HSD17B2: variants seen among roughly 807,000 people sequenced by gnomAD.
The protein encoded by HSD17B2 is 17-beta-hydroxysteroid dehydrogenase type 2.
HSD17B2 carries 32 observed loss-of-function variants against 26.9 expected under a neutral mutation model. The observed-to-expected ratio is 1.19, with a 90% CI of 0.90 to 1.60. The LOEUF (loss-of-function observed/expected upper bound fraction) is 1.60, where lower values mean the gene tolerates loss of function less well. HSD17B2 is among the 40% of genes most tolerant of loss of function. The pLI is 0.00. For synonymous variants in HSD17B2, 246 were observed against 186.7 expected (o/e 1.32, Z -2.59); for missense variants, 613 against 468.6 (o/e 1.31, Z -2.85).
chr16:82,069,946 C>A (rs955310147), intron 2 of HSD17B2, among the ~76,000 whole-genome samples: 10 of 152,158 alleles, frequency 6.6e-5, no homozygotes, highest in Non-Finnish European at 1.5e-4. Context: ...TCCCAGGCAT[C>A]ATTAGTTTAT....
intron 1 of HSD17B2, among the ~76,000 whole-genome samples, chr16:82,037,746 C>G (rs1443747115): frequency 6.6e-6 from 1 of 152,170 alleles, no homozygotes; most frequent in Non-Finnish European, 1.5e-5. Flanking sequence ...ATGACAGCCA[C>G]AAGGACTGTG....
intron 3 of HSD17B2, among the ~76,000 whole-genome samples, chr16:82,089,128 A>C (rs1303076003): frequency 1.3e-5 from 2 of 152,186 alleles, no homozygotes; most frequent in Non-Finnish European, 2.9e-5. Flanking sequence ...CACAATGTTC[A>C]TAGCACCCCC....
intron 3 of HSD17B2, chr16:82,071,380 T>C (rs969446774): frequency 1.3e-5 from 7 of 532,406 alleles, no homozygotes; most frequent in African/African-American, 1.1e-4. Context: ...TATATGTCTT[T>C]ATAATGTGAC....
Position 82,071,058 on chromosome 16 carries a change from GT to G in HSD17B2, c.596del (p.Val199AlafsTer17), listed in dbSNP as rs1448994641. ...MAVNFFGTVE[V>X]TKTFLPLLRK... ...CGTGAACTTCTTTGGAACTGTGGAG[GT>G]CACAAAGACGTTTTTGCCTCTTCTT... is the stretch of plus-strand genomic sequence containing the variant. On this transcript the variant is annotated frameshift_variant, in exon 3 of 5. Coordinates refer to ENST00000199936, the MANE Select transcript of HSD17B2 (RefSeq NM_002153.3). LOFTEE classifies it high-confidence loss of function. 3.1e-5 allele frequency: 50 copies of G among 1,614,208 alleles called. No individual in the cohort carries two copies. Among genetic ancestry groups the G allele is most frequent in the Non-Finnish European group, 4.0e-5 (47 of 1,180,028 alleles).
chr16:82,087,438 C>G (rs77175280), intron 3 of HSD17B2, among the ~76,000 whole-genome samples: 1 of 152,240 alleles, frequency 6.6e-6, no homozygotes, highest in East Asian at 1.9e-4. Flanking sequence ...TCTCATCTTA[C>G]GTCATCTTAA....
chr16:82,096,620 A>G (rs747943231), intron 4 of HSD17B2: 2 of 152,008 alleles, frequency 1.3e-5, no homozygotes, highest in Non-Finnish European at 2.9e-5. Context: ...TATTATATAC[A>G]GTATATATTA....
chr16:82,085,882 T>C (rs1904513961), intron 3 of HSD17B2, among the ~76,000 whole-genome samples: 1 of 151,754 alleles, frequency 6.6e-6, no homozygotes, highest in Non-Finnish European at 1.5e-5. Flanking sequence ...CTCAATAAGA[T>C]AACATACCCC....
chr16:82,061,563 G>T (rs1003181219), intron 1 of HSD17B2, among the ~76,000 whole-genome samples: 1 of 152,122 alleles, frequency 6.6e-6, no homozygotes, highest in African/African-American at 2.4e-5. Context: ...TTTATCTATA[G>T]TAATGAAAAA....
At chr16:82,078,078 A>G (rs1486926127) in intron 3 of HSD17B2, among the ~76,000 whole-genome samples, 1 of 152,222 alleles carries the variant, frequency 6.6e-6, no homozygotes, top group Non-Finnish European at 1.5e-5. Flanking sequence ...GATACAATCA[A>G]CAAAGTGAAG....
chr16:82,058,695 T>C (rs1914347506), intron 1 of HSD17B2, among the ~76,000 whole-genome samples: 1 of 152,202 alleles, frequency 6.6e-6, no homozygotes. Flanking sequence ...CTTAGTTGAA[T>C]GCTGAATTAC....
intron 1 of HSD17B2, among the ~76,000 whole-genome samples, chr16:82,045,965 C>T (rs534934028): frequency 6.6e-6 from 1 of 152,230 alleles, no homozygotes. Flanking sequence ...ACTGTGAAGA[C>T]CTTTGCTCTA....
intron 1 of HSD17B2, among the ~76,000 whole-genome samples, chr16:82,049,022 C>G (rs111612764): frequency 0.019 from 2,835 of 152,296 alleles, 82 homozygotes; most frequent in African/African-American, 0.063. Flanking sequence ...TGGGCTGGAA[C>G]AGGTAGTCCC....
chr16:82,036,320 TTGTGTGTGTGTGTGTGTGTGTGTGTGTG>T (rs10609893), intron 1 of HSD17B2, among the ~76,000 whole-genome samples: 1 of 145,782 alleles, frequency 6.9e-6, no homozygotes, highest in Non-Finnish European at 1.5e-5. Context: ...TTTCCCTTGT[TTGTGTGTGTGTGTGTGTGTGTGTGTGTG>T]TGTGTGTGTG....
At chr16:82,041,541 C>T (rs1352842464) in intron 1 of HSD17B2, among the ~76,000 whole-genome samples, 1 of 152,222 alleles carries the variant, frequency 6.6e-6, no homozygotes, top group Non-Finnish European at 1.5e-5. Context: ...ACAAATAGAA[C>T]ATCCACTGGC....
chr16:82,057,976 T>G (rs956769320), intron 1 of HSD17B2, among the ~76,000 whole-genome samples: 11 of 151,890 alleles, frequency 7.2e-5, no homozygotes, highest in African/African-American at 2.7e-4. Flanking sequence ...GTGAATAAAG[T>G]ATAGAATTTA....
chr16:82,049,926 C>G (rs561547145), intron 1 of HSD17B2, among the ~76,000 whole-genome samples: 2 of 152,240 alleles, frequency 1.3e-5, no homozygotes, highest in Non-Finnish European at 2.9e-5. Context: ...TGGATATCAA[C>G]TGTCACTGTG....
intron 1 of HSD17B2, among the ~76,000 whole-genome samples, chr16:82,053,012 GC>G (rs965666501): frequency 3.9e-5 from 6 of 152,124 alleles, no homozygotes; most frequent in Non-Finnish European, 7.4e-5. Flanking sequence ...CCTCTTGGGG[GC>G]CCCATTATGA....
intron 1 of HSD17B2, 134 bp downstream of exon 1, chr16:82,035,823 T>C: frequency 1.1e-6 from 1 of 943,218 alleles, no homozygotes; most frequent in Non-Finnish European, 1.6e-6. Flanking sequence ...CCCAAGTATT[T>C]TTCATGACAC....
At chr16:82,080,117 G>C (rs987948185) in intron 3 of HSD17B2, among the ~76,000 whole-genome samples, 4 of 152,216 alleles carry the variant, frequency 2.6e-5, no homozygotes, top group African/African-American at 9.7e-5. Flanking sequence ...AGCTGGAATT[G>C]ATGACTCTGT....
Sources: allele counts gnomAD v4.1 joint callset (sites outside exome capture counted in the v4.1 genomes callset), GRCh38; gene constraint gnomAD v4.1.1; transcripts MANE v1.5; gene names NCBI Gene and HGNC (gene_info 2026-07-23, HGNC 2026-07-21).